EPC1: variants seen among roughly 807,000 people sequenced by gnomAD.
EPC1 encodes enhancer of polycomb homolog 1.
In EPC1, 12 loss-of-function variants were observed where a neutral mutation model predicts 98.4. The ratio of observed to expected loss-of-function variants is 0.12; its 90% CI spans 0.08 to 0.20. The LOEUF is 0.20. Ranked by LOEUF, EPC1 falls within the 10% of genes least tolerant of loss-of-function variation. The pLI is 1.00. For missense variants in EPC1, 729 were observed against 990.5 expected (o/e 0.74, Z 3.54); for synonymous variants, 357 against 363.9 (o/e 0.98, Z 0.21).
chr10:32,345,082 A>T, intron 1 of EPC1: 2 of 908,256 alleles, frequency 2.2e-6, no homozygotes, highest in Non-Finnish European at 2.6e-6. Context: ...TAAAACTTAG[A>T]AATAAAAATA....
intron 6 of EPC1, 66 bp from the exon 7 acceptor site, chr10:32,287,340 G>A (rs546524094): frequency 1.3e-6 from 2 of 1,551,274 alleles, no homozygotes; most frequent in Admixed American, 3.5e-5. Context: ...AGTTTTGGGG[G>A]AAATTTTAAA....
chr10:32,301,498 T>A (rs1835539714), intron 2 of EPC1, among the ~76,000 whole-genome samples: 1 of 152,124 alleles, frequency 6.6e-6, no homozygotes, highest in South Asian at 2.1e-4. Context: ...AGAAAGATAA[T>A]ACAGGAGGAA....
At chr10:32,329,972 G>GT (rs1206905957) in intron 1 of EPC1, among the ~76,000 whole-genome samples, 2 of 152,184 alleles carry the variant, frequency 1.3e-5, no homozygotes, top group Non-Finnish European at 2.9e-5. Context: ...GGGGAATGGT[G>GT]TTTCAGTGCA....
chr10:32,348,012 C>G (rs1046897944), upstream of EPC1, among the ~76,000 whole-genome samples: 7 of 152,214 alleles, frequency 4.6e-5, no homozygotes, highest in African/African-American at 1.7e-4. Context: ...AAAGCAAGAT[C>G]TACTTCAGAA....
chr10:32,323,971 T>A (rs1009740003), intron 1 of EPC1, among the ~76,000 whole-genome samples: 3 of 152,152 alleles, frequency 2.0e-5, no homozygotes, highest in Non-Finnish European at 4.4e-5. Context: ...AGTCTCGCTC[T>A]GTCGCCCAGG....
chr10:32,286,508 G>T, intron 9 of EPC1, 186 bp downstream of exon 9: 1 of 669,572 alleles, frequency 1.5e-6, no homozygotes, highest in Non-Finnish European at 2.4e-6. Context: ...ATAGAGTTAT[G>T]TCAAAAACTA....
At chr10:32,357,874 T>C (rs920251749) in intron 1 of EPC1, among the ~76,000 whole-genome samples, 4 of 148,660 alleles carry the variant, frequency 2.7e-5, no homozygotes, top group African/African-American at 1.0e-4. Context: ...TTTTTTTTTT[T>C]AGACAGAGTC....
At chr10:32,269,265 A>G in intron 13 of EPC1, 130 bp from the exon 14 acceptor site, 1 of 669,568 alleles carries the variant, frequency 1.5e-6, no homozygotes, top group South Asian at 1.9e-5. Flanking sequence ...CAAGCTAGCA[A>G]GTAGAGGAAT....
At chr10:32,294,293 T>C (rs1835014391) in intron 2 of EPC1, among the ~76,000 whole-genome samples, 1 of 152,182 alleles carries the variant, frequency 6.6e-6, no homozygotes, top group Admixed American at 6.6e-5. Flanking sequence ...ACCAGAAGTG[T>C]TTTGGATTTT....
chr10:32,293,399 G>C (rs1834961659), intron 3 of EPC1, among the ~76,000 whole-genome samples, 193 bp downstream of exon 3: 1 of 151,862 alleles, frequency 6.6e-6, no homozygotes. Context: ...GGGCAACCAA[G>C]GCACAGAAAA....
chr10:32,284,739 G>A lies in EPC1; in HGVS notation c.1703C>T (p.Thr568Ile). ...TAQPGTQTCSTSTQSKSSSGS... is the reference protein window; with the variant it reads ...TAQPGTQTCSISTQSKSSSGS... The stretch of plus-strand genomic sequence containing the variant: ...ACTGCTACTTTTACTTTGCGTAGAG[G>A]TACTGCATGTCTGGGTCCCAGGTTG... The change falls in exon 10 of 14, where the codon ACC (threonine) becomes ATC (isoleucine). Residue 568 changes from threonine to isoleucine, a missense_variant. This residue lies in a region of EPC1 where 390 missense variants were observed against 438.6 expected (regional missense o/e 0.89). Transcript: ENST00000319778. 1 of 1,614,106 alleles carries A rather than the reference G, an allele frequency of 6.2e-7. No homozygotes were observed. Among genetic ancestry groups the A allele is most frequent in the Non-Finnish European group, 8.5e-7 (1 of 1,179,994 alleles).
At chr10:32,297,323 C>T (rs578209896) in intron 2 of EPC1, among the ~76,000 whole-genome samples, 1 of 149,888 alleles carries the variant, frequency 6.7e-6, no homozygotes, top group African/African-American at 2.5e-5. Flanking sequence ...CTCTTGTTGC[C>T]CAGGCTGGAG....
intron 1 of EPC1, among the ~76,000 whole-genome samples, chr10:32,368,803 C>G (rs542960168): frequency 3.4e-4 from 52 of 152,272 alleles, no homozygotes; most frequent in African/African-American, 1.2e-3. Flanking sequence ...CTAAGAAATA[C>G]AGAACTTAGA....
chr10:32,291,734 AAC>A (rs1834863364), intron 5 of EPC1: 1 of 152,548 alleles, frequency 6.6e-6, no homozygotes, highest in Admixed American at 6.5e-5. Context: ...TATAATTATA[AAC>A]ACCAATTACA....
chr10:32,308,168 C>T (rs934530766), intron 1 of EPC1, among the ~76,000 whole-genome samples: 1 of 152,058 alleles, frequency 6.6e-6, no homozygotes, highest in African/African-American at 2.4e-5. Flanking sequence ...CTCCCTTGAG[C>T]CCAGGAGTTT....
intron 13 of EPC1, among the ~76,000 whole-genome samples, chr10:32,270,392 C>T (rs1177847045): frequency 1.3e-5 from 2 of 152,168 alleles, no homozygotes; most frequent in Admixed American, 6.5e-5. Flanking sequence ...ATTTTAACTA[C>T]CCTTAATTCT....
At position 32,275,460 on chromosome 10, in the gene EPC1, C is replaced by T. The variant is rs559214350; in HGVS notation, c.1745-2179G>A. ...CAGCCTGGGCAAGATGGTGAAACCC[C>T]GTCTCTATTAAAAATGCAAAAGTTG... On this transcript the variant is annotated intron_variant, in intron 10 of 13. Coordinates refer to ENST00000319778, the MANE Select transcript of EPC1 (RefSeq NM_001272004.3). 2.6e-4 allele frequency among the ~76,000 whole-genome samples: 40 copies of T among 151,766 alleles called. No homozygotes were observed. The East Asian group carries it at 6.4e-3, about 24-fold the overall frequency.
At position 32,346,703 on chromosome 10, in the gene EPC1, G is replaced by A. The variant is rs1017407892; in HGVS notation, c.153+60C>T. On this transcript the variant is annotated intron_variant, in intron 1 of 13. Transcript: ENST00000319778. ...TGTGTGGGTTTGCTGCTCCGCCGCC[G>A]CCGCAGGCAGCAGAGGGAGCGGGCC... 25 of 1,523,766 alleles carry A rather than the reference G, an allele frequency of 1.6e-5. No individual in the cohort carries two copies. In the East Asian group the frequency reaches 5.5e-4, roughly 34 times the overall value. 94.4% of individuals were successfully genotyped at this position (1,523,766 alleles called of 1,614,324 possible). A position where few individuals can be genotyped will look rare whatever the true frequency, so the allele number is the denominator to read the frequency against.
At chr10:32,352,339 G>A (rs553126656) in intron 1 of EPC1, among the ~76,000 whole-genome samples, 91 of 151,996 alleles carry the variant, frequency 6.0e-4, no homozygotes, top group African/African-American at 2.1e-3. Flanking sequence ...GAGCCACTGC[G>A]CCCCGCCCAG....
Sources: gnomAD v4.1 joint callset for allele counts (sites outside exome capture counted in the v4.1 genomes callset) on GRCh38, gnomAD v4.1.1 for gene constraint, gnomAD v4.1.1 regional missense constraint, MANE v1.5 for transcripts, NCBI Gene and HGNC (gene_info 2026-07-23, HGNC 2026-07-21) for gene names.